The following HADHB variants were observed in gnomAD, a reference collection of about 807,000 sequenced individuals.
The protein encoded by HADHB is hydroxyacyl-CoA dehydrogenase trifunctional multienzyme complex subunit beta, also known as trifunctional enzyme subunit beta, mitochondrial.
In HADHB, 50 loss-of-function variants were observed where a neutral mutation model predicts 61.9. The observed-to-expected ratio is 0.81, with a 90% CI of 0.64 to 1.02. HADHB has a LOEUF of 1.02. Among genes scored for constraint, HADHB ranks in the 50% least tolerant of loss-of-function variants. The pLI, the probability that HADHB is intolerant of heterozygous loss-of-function variation, is 0.00. For synonymous variants in HADHB, 191 were observed against 201.6 expected (o/e 0.95, Z 0.45); for missense variants, 504 against 586.5 (o/e 0.86, Z 1.45).
chr2:26,266,930 T>C (rs2147813437), intron 4 of HADHB, among the ~76,000 whole-genome samples: 1 of 147,976 alleles, frequency 6.8e-6, no homozygotes, highest in Admixed American at 6.8e-5. Context: ...GGCTTAGGCA[T>C]TTTCAAATTG....
chr2:26,268,907 G>C (rs974190812), intron 4 of HADHB, among the ~76,000 whole-genome samples: 1 of 152,170 alleles, frequency 6.6e-6, no homozygotes, highest in Non-Finnish European at 1.5e-5. Flanking sequence ...AGCACTTTGG[G>C]AGGCCAAGGC....
At chr2:26,245,263 GGTGTGTGTGT>G (rs3839048) in intron 1 of HADHB, 6 of 167,552 alleles carry the variant, frequency 3.6e-5, no homozygotes, top group East Asian at 1.5e-4. Context: ...GGGGTGTGGG[GGTGTGTGTGT>G]GTGTGTGGGT....
At chr2:26,256,054 G>A (rs1671594885) in intron 3 of HADHB, among the ~76,000 whole-genome samples, 1 of 152,066 alleles carries the variant, frequency 6.6e-6, no homozygotes, top group Non-Finnish European at 1.5e-5. Flanking sequence ...TGTTTCTGAT[G>A]TTTGTGTCTC....
chr2:26,252,054 A>G (rs569684817), intron 1 of HADHB, among the ~76,000 whole-genome samples: 7 of 152,200 alleles, frequency 4.6e-5, no homozygotes, highest in East Asian at 1.9e-4. Flanking sequence ...GCTCACTCAC[A>G]TGGCTGTTGG....
At chr2:26,257,072 T>G (rs1395867323) in intron 3 of HADHB, among the ~76,000 whole-genome samples, 4 of 152,292 alleles carry the variant, frequency 2.6e-5, no homozygotes, top group Non-Finnish European at 2.9e-5. Flanking sequence ...CCTGATTGCC[T>G]TGTTGATCTT....
chr2:26,277,501 C>A (rs1213303153), intron 7 of HADHB, among the ~76,000 whole-genome samples: 1 of 152,130 alleles, frequency 6.6e-6, no homozygotes, highest in Non-Finnish European at 1.5e-5. Context: ...CTCCAAAGTG[C>A]TGGGATTACA....
chr2:26,253,862 AAATAAATAAATAAAT>A (rs1671501076), intron 1 of HADHB, among the ~76,000 whole-genome samples: 2 of 123,758 alleles, frequency 1.6e-5, no homozygotes, highest in Non-Finnish European at 3.5e-5. Context: ...TCAAAAAAAT[AAATAAATAAATAAAT>A]AAATAAATAA....
intron 5 of HADHB, among the ~76,000 whole-genome samples, chr2:26,271,878 C>T (rs915021813): frequency 3.3e-5 from 5 of 152,044 alleles, no homozygotes; most frequent in African/African-American, 1.2e-4. Context: ...CCAGGCAGGG[C>T]AATCGAGCAA....
At chr2:26,245,136 C>G in intron 1 of HADHB, 146 bp downstream of exon 1, 1 of 216,914 alleles carries the variant, frequency 4.6e-6, no homozygotes, top group South Asian at 6.5e-5. Context: ...ACTCCTCGGA[C>G]AAGGTCGGCA....
intron 4 of HADHB, among the ~76,000 whole-genome samples, chr2:26,268,056 T>C (rs1325658204): frequency 1.3e-5 from 2 of 152,086 alleles, no homozygotes; most frequent in African/African-American, 4.8e-5. Flanking sequence ...GTGGGAAGAT[T>C]GCTTGAGCCC....
At chr2:26,266,473 T>C (rs1672080495) in intron 4 of HADHB, among the ~76,000 whole-genome samples, 1 of 152,134 alleles carries the variant, frequency 6.6e-6, no homozygotes, top group Admixed American at 6.6e-5. Flanking sequence ...GGCCAGGTTC[T>C]TATGGGTAGG....
At chr2:26,254,341 A>T in intron 2 of HADHB, 23 bp downstream of exon 2, 1 of 1,486,488 alleles carries the variant, frequency 6.7e-7, no homozygotes, top group Non-Finnish European at 9.4e-7. Context: ...TTATTTTTTT[A>T]TTTTTAGAGA....
intron 5 of HADHB, among the ~76,000 whole-genome samples, chr2:26,271,676 A>G (rs1481660282): frequency 1.3e-5 from 2 of 152,126 alleles, no homozygotes; most frequent in Non-Finnish European, 2.9e-5. Context: ...TACACCTATA[A>G]TCCCAGCACT....
chr2:26,249,260 G>A (rs774604092), intron 1 of HADHB, among the ~76,000 whole-genome samples: 1 of 152,066 alleles, frequency 6.6e-6, no homozygotes, highest in Non-Finnish European at 1.5e-5. Context: ...TAGTCCGGGC[G>A]TGGTGGCTCA....
intron 15 of HADHB, 101 bp downstream of exon 15, chr2:26,285,672 A>T: frequency 1.2e-4 from 75 of 646,886 alleles, no homozygotes; most frequent in Middle Eastern, 8.1e-4. Flanking sequence ...AATATTTTTG[A>T]TGACCTGGGG....
At chr2:26,264,464 C>G (rs1671985508) in intron 4 of HADHB, among the ~76,000 whole-genome samples, 1 of 147,552 alleles carries the variant, frequency 6.8e-6, no homozygotes, top group Admixed American at 6.9e-5. Context: ...GTGGGAGGAT[C>G]ACTTGAGCCT....
intron 3 of HADHB, chr2:26,261,202 C>T (rs1370438269): frequency 5.0e-6 from 2 of 399,642 alleles, no homozygotes; most frequent in East Asian, 6.4e-5. Flanking sequence ...ACAACAACAA[C>T]ACAACAAATA....
chr2:26,284,036 T>A, intron 12 of HADHB, 81 bp from the exon 13 acceptor site: 1 of 789,478 alleles, frequency 1.3e-6, no homozygotes, highest in Non-Finnish European at 2.3e-6. Flanking sequence ...AGTACCTATG[T>A]AAAACTCAGT....
Position 26,263,414 on chromosome 2 carries a change from A to T in HADHB, c.144A>T (p.Lys48Asn). 1.2e-6 allele frequency: 2 copies of T among 1,613,484 alleles called. No individual in the cohort carries two copies. Among genetic ancestry groups the T allele is most frequent in the Non-Finnish European group, 1.7e-6 (2 of 1,179,474 alleles). The change falls in exon 4 of 16, where the codon AAA becomes AAT. Residue 48 changes from lysine to asparagine, a missense_variant. Coordinates refer to ENST00000317799, the MANE Select transcript of HADHB (RefSeq NM_000183.3). Reference sequence around the variant, plus strand: ...CCAAAACGAAGAAGACGTTAGCCAAACCCAATATAAGGAATGTTGTGGTGG... The same window carrying T: ...CCAAAACGAAGAAGACGTTAGCCAATCCCAATATAAGGAATGTTGTGGTGG... ...VQTKTKKTLAKPNIRNVVVVD... is the reference protein window; with the variant it reads ...VQTKTKKTLANPNIRNVVVVD...
Sources: allele counts gnomAD v4.1 joint callset (sites outside exome capture counted in the v4.1 genomes callset), GRCh38; gene constraint gnomAD v4.1.1; transcripts MANE v1.5; gene names NCBI Gene and HGNC (gene_info 2026-07-23, HGNC 2026-07-21).